Variants in SENP5 observed in about 807,000 individuals in gnomAD.
SENP5 encodes the protein SUMO specific peptidase 5.
Under a neutral mutation model 74.2 loss-of-function variants are expected in SENP5, and 21 were observed. The ratio of observed to expected loss-of-function variants is 0.28; its 90% CI spans 0.20 to 0.41. The LOEUF is 0.41. Among genes scored for constraint, SENP5 ranks in the 10% least tolerant of loss-of-function variants. SENP5 has a pLI of 1.00. For missense variants in SENP5, 717 were observed against 889.1 expected (o/e 0.81, Z 2.46); for synonymous variants, 311 against 312.7 (o/e 0.99, Z 0.06).
chr3:196,899,645 T>C, intron 2 of SENP5, 21 bp from the exon 3 acceptor site: 1 of 1,501,232 alleles, frequency 6.7e-7, no homozygotes, highest in Non-Finnish European at 9.3e-7. Flanking sequence ...ATCTTAACTT[T>C]TCTTTCTTCC....
At chr3:196,878,783 G>A (rs1488945757) in intron 1 of SENP5, among the ~76,000 whole-genome samples, 1 of 152,026 alleles carries the variant, frequency 6.6e-6, no homozygotes, top group Admixed American at 6.6e-5. Context: ...GTAGAGACAA[G>A]GTTTCACCAC....
chr3:196,915,226 G>C (rs147748752), intron 6 of SENP5, among the ~76,000 whole-genome samples: 15 of 152,296 alleles, frequency 9.8e-5, no homozygotes, highest in African/African-American at 3.4e-4. Flanking sequence ...GTGGATTTGG[G>C]GTGCACACAA....
At chr3:196,897,102 A>C (rs746873989) in intron 2 of SENP5, among the ~76,000 whole-genome samples, 1 of 152,224 alleles carries the variant, frequency 6.6e-6, no homozygotes, top group Non-Finnish European at 1.5e-5. Flanking sequence ...TCACATCCAT[A>C]TCCCATTGTG....
At chr3:196,914,586 A>AAAAAAAATATATATATATATAT in intron 6 of SENP5, 27 of 33,484 alleles carry the variant, frequency 8.1e-4, no homozygotes, top group African/African-American at 1.1e-3. Context: ...AAAAAAAAAA[A>AAAAAAAATATATATATATATAT]ATATATATAT....
chr3:196,885,024 T>G, intron 1 of SENP5, 127 bp from the exon 2 acceptor site: 1 of 587,546 alleles, frequency 1.7e-6, no homozygotes, highest in Non-Finnish European at 2.9e-6. Flanking sequence ...GATTTCATTG[T>G]GTCCAATAGT....
chr3:196,932,866 C>G lies in SENP5; in HGVS notation c.*1943C>G, dbSNP rs1012209144. The stretch of plus-strand genomic sequence containing the variant: ...TTCCTCAGTGACAGAACCTGGCATG[C>G]AGAAGAGACAGAATTGTTCCTGTAA... On this transcript the variant is annotated 3_prime_UTR_variant, in exon 10 of 10. Coordinates refer to ENST00000323460, the MANE Select transcript of SENP5 (RefSeq NM_152699.5). 6.7e-6 allele frequency: 1 copy of G among 149,362 alleles called. No individual in the cohort carries two copies. Among genetic ancestry groups the G allele is most frequent in the Non-Finnish European group, 1.5e-5 (1 of 67,746 alleles). 9.3% of individuals were successfully genotyped at this position (149,362 alleles called of 1,614,324 possible).
At chr3:196,913,581 CAAAAA>C (rs538948778) in intron 6 of SENP5, among the ~76,000 whole-genome samples, 43 of 122,624 alleles carry the variant, frequency 3.5e-4, no homozygotes, top group African/African-American at 1.3e-3. Flanking sequence ...AAAAAAAAAA[CAAAAA>C]AAACTAGTAA....
intron 1 of SENP5, 40 bp from the exon 2 acceptor site, chr3:196,885,111 A>G: frequency 3.2e-6 from 4 of 1,255,720 alleles, no homozygotes; most frequent in South Asian, 1.5e-5. Context: ...TCATGACCTT[A>G]TTTTTAGATA....
At chr3:196,875,196 A>G (rs1197561435) in intron 1 of SENP5, among the ~76,000 whole-genome samples, 2 of 152,200 alleles carry the variant, frequency 1.3e-5, no homozygotes, top group Non-Finnish European at 2.9e-5. Flanking sequence ...AGTAGCTGAT[A>G]CTGGAACATT....
rs1716171399 is a variant in SENP5, at chr3:196,934,538, G to A, written c.*3615G>A. Reference sequence around the variant, plus strand: ...TAAGACGGCCCAGGGAATACCAGCAGAGAAGTGCTAATTGTATTTGGGTGT... The same window carrying A: ...TAAGACGGCCCAGGGAATACCAGCAAAGAAGTGCTAATTGTATTTGGGTGT... On this transcript the variant is annotated 3_prime_UTR_variant, in exon 10 of 10. Coordinates refer to ENST00000323460, the MANE Select transcript of SENP5 (RefSeq NM_152699.5). 1 of 152,214 alleles carries A rather than the reference G, an allele frequency of 6.6e-6. No homozygotes were observed. The highest frequency in any genetic ancestry group is 2.4e-5 in the African/African-American group (1 of 41,452). The allele number at this position is 152,214 out of a possible 1,614,324, so 9.4% of individuals were successfully genotyped here.
intron 2 of SENP5, among the ~76,000 whole-genome samples, chr3:196,898,445 A>T (rs990777560): frequency 2.0e-5 from 3 of 151,570 alleles, no homozygotes; most frequent in Non-Finnish European, 4.4e-5. Context: ...AAAAAAAATT[A>T]AAAAATTAGC....
intron 7 of SENP5, among the ~76,000 whole-genome samples, chr3:196,926,599 C>T (rs1715821226): frequency 6.7e-6 from 1 of 150,328 alleles, no homozygotes; most frequent in Admixed American, 6.6e-5. Context: ...TATTTGCTTT[C>T]ATCATGTTTT....
intron 6 of SENP5, among the ~76,000 whole-genome samples, chr3:196,904,644 C>T (rs543804756): frequency 2.0e-5 from 3 of 152,054 alleles, no homozygotes; most frequent in South Asian, 4.2e-4. Context: ...AAAAATTAGC[C>T]GGGCTGTGAT....
intron 5 of SENP5, among the ~76,000 whole-genome samples, chr3:196,902,053 A>G (rs1171646160): frequency 6.6e-6 from 1 of 152,246 alleles, no homozygotes; most frequent in Non-Finnish European, 1.5e-5. Context: ...ACCAATTTTG[A>G]GAATCACTGC....
intron 6 of SENP5, among the ~76,000 whole-genome samples, chr3:196,908,529 G>GTT (rs1375128296): frequency 6.6e-6 from 1 of 152,106 alleles, no homozygotes. Flanking sequence ...ACAATTAAAA[G>GTT]AACTAGAGAA....
chr3:196,879,929 T>G (rs1713650021), intron 1 of SENP5, among the ~76,000 whole-genome samples: 1 of 152,148 alleles, frequency 6.6e-6, no homozygotes, highest in Non-Finnish European at 1.5e-5. Context: ...CTAGCTTTGC[T>G]CCGAAGTTTT....
intron 5 of SENP5, among the ~76,000 whole-genome samples, chr3:196,901,432 TACTC>T (rs1312998484): frequency 1.1e-4 from 16 of 152,242 alleles, no homozygotes; most frequent in Admixed American, 2.6e-4. Context: ...AAATCTTTGA[TACTC>T]AGTTCAAATA....
intron 1 of SENP5, among the ~76,000 whole-genome samples, 177 bp from the exon 2 acceptor site, chr3:196,884,974 C>G (rs1483782686): frequency 6.6e-6 from 1 of 152,182 alleles, no homozygotes; most frequent in East Asian, 1.9e-4. Flanking sequence ...GTCCTCCCTC[C>G]TCTCCAGTTT....
chr3:196,913,013 A>G (rs1243034818), intron 6 of SENP5: 1 of 152,088 alleles, frequency 6.6e-6, no homozygotes, highest in Admixed American at 6.5e-5. Context: ...TCAGATTTCA[A>G]TATAAAGGAG....
Sources: allele counts gnomAD v4.1 joint callset (sites outside exome capture counted in the v4.1 genomes callset), GRCh38; gene constraint gnomAD v4.1.1; transcripts MANE v1.5; gene names NCBI Gene and HGNC (gene_info 2026-07-23, HGNC 2026-07-21).